AOX1: variants seen among roughly 807,000 people sequenced by gnomAD.
AOX1 encodes aldehyde oxidase.
AOX1 carries 153 observed loss-of-function variants against 169.5 expected under a neutral mutation model. The observed-to-expected ratio is 0.90, with a 90% CI of 0.79 to 1.03. AOX1 has a LOEUF of 1.03. Among genes scored for constraint, AOX1 ranks in the 50% least tolerant of loss-of-function variants. The pLI, the probability that AOX1 is intolerant of heterozygous loss-of-function variation, is 0.00. For missense variants in AOX1, 1,656 were observed against 1,663.9 expected (o/e 1.00, Z 0.08); for synonymous variants, 562 against 581.9 (o/e 0.97, Z 0.49).
chr2:200,675,119 A>G (rs1468389948), downstream of AOX1, among the ~76,000 whole-genome samples: 3 of 152,194 alleles, frequency 2.0e-5, no homozygotes, highest in Non-Finnish European at 4.4e-5. Context: ...TCGCGCAGGC[A>G]CAGCTGGAAT....
chr2:200,677,694 G>A (rs577300216), downstream of AOX1, among the ~76,000 whole-genome samples: 27 of 152,252 alleles, frequency 1.8e-4, no homozygotes, highest in Middle Eastern at 3.4e-3. Context: ...CAATTGTCTG[G>A]GCCCACTTTG....
At chr2:200,620,166 G>C (rs1422151856) in intron 16 of AOX1, among the ~76,000 whole-genome samples, 1 of 149,824 alleles carries the variant, frequency 6.7e-6, no homozygotes, top group African/African-American at 2.5e-5. Flanking sequence ...AATTACTGTA[G>C]TAGGTTTATT....
intron 16 of AOX1, among the ~76,000 whole-genome samples, chr2:200,618,656 G>C (rs973436499): frequency 6.6e-6 from 1 of 152,136 alleles, no homozygotes; most frequent in Non-Finnish European, 1.5e-5. Context: ...TCTCCAGCCA[G>C]AGGTTTTTTG....
At chr2:200,647,419 TC>T (rs1431950986) in intron 25 of AOX1, among the ~76,000 whole-genome samples, 1 of 152,220 alleles carries the variant, frequency 6.6e-6, no homozygotes, top group Non-Finnish European at 1.5e-5. Flanking sequence ...TAGGGAACAA[TC>T]CTTTCTAGCT....
intron 6 of AOX1, among the ~76,000 whole-genome samples, chr2:200,602,971 TAAC>T (rs1030743288): frequency 6.6e-5 from 10 of 152,294 alleles, no homozygotes; most frequent in African/African-American, 2.2e-4. Flanking sequence ...TTTAAAATAC[TAAC>T]AATATTAACA....
Position 200,620,637 on chromosome 2 carries a change from A to C in AOX1, c.1705-13A>C, listed in dbSNP as rs1314386349. On this transcript the variant is annotated splice_polypyrimidine_tract_variant and intron_variant, in intron 16 of 34. Coordinates refer to ENST00000374700, the MANE Select transcript of AOX1 (RefSeq NM_001159.4). The stretch of plus-strand genomic sequence containing the variant: ...AGAAATGTAAAAGTATATTTTGGTT[A>C]TTTATTAAACAGAATATAGGCCCAA... The C allele has an allele frequency of 1.3e-6, 2 of 1,496,312 alleles. No homozygotes were observed. Among genetic ancestry groups the C allele is most frequent in the Non-Finnish European group, 8.8e-7 (1 of 1,130,676 alleles). 92.7% of individuals were successfully genotyped at this position (1,496,312 alleles called of 1,614,324 possible). A position where few individuals can be genotyped will look rare whatever the true frequency, so the allele number is the denominator to read the frequency against.
At chr2:200,642,473 G>A (rs1196961266) in intron 24 of AOX1, 137 bp from the exon 25 acceptor site, 2 of 584,920 alleles carry the variant, frequency 3.4e-6, no homozygotes, top group African/African-American at 2.0e-5. Context: ...GTGTTTAATT[G>A]GGGGCATGGG....
At chr2:200,677,261 GA>G (rs562943577), downstream of AOX1, among the ~76,000 whole-genome samples, 4 of 152,116 alleles carry the variant, frequency 2.6e-5, no homozygotes, top group Non-Finnish European at 5.9e-5. Flanking sequence ...GGGAGGTGGA[GA>G]AAGAGACAGA....
In AOX1 at chr2:200,609,242, CAAAGCCTTGCTTAATCCTTATTTTA is replaced by C; in HGVS notation, c.1060-78_1060-54del. 8.2e-6 allele frequency: 13 copies of C among 1,589,990 alleles called. No homozygotes were observed. In the South Asian group the frequency reaches 1.3e-4, roughly 16 times the overall value. On this transcript the variant is annotated intron_variant, in intron 11 of 34. Transcript: ENST00000374700. ...GGAACAGACAAAAAAAATAGTTCTCCAAAGCCTTGCTTAATCCTTATTTTAGCACTTGCTTTTTTATGATTACATA... is the reference window on the plus strand; with the variant it reads ...GGAACAGACAAAAAAAATAGTTCTCCGCACTTGCTTTTTTATGATTACATA...
chr2:200,656,374 G>C (rs982305957), intron 26 of AOX1, among the ~76,000 whole-genome samples: 1 of 152,176 alleles, frequency 6.6e-6, no homozygotes, highest in African/African-American at 2.4e-5. Flanking sequence ...AATGCTGTTA[G>C]CAGTCTGGTT....
At chr2:200,642,467 T>C (rs915800351) in intron 24 of AOX1, 143 bp from the exon 25 acceptor site, 1 of 572,310 alleles carries the variant, frequency 1.7e-6, no homozygotes, top group African/African-American at 2.0e-5. Context: ...AAAAATGTGT[T>C]TAATTGGGGG....
rs144587713 is a variant in AOX1 at position 200,648,804 on chromosome 2, G to A, written c.2848-2170G>A. Among the ~76,000 whole-genome samples the A allele has an allele frequency of 2.1e-3, 320 of 152,204 alleles. 2 individuals carry two copies. The highest frequency in any genetic ancestry group is 7.4e-3 in the African/African-American group (307 of 41,528). ...TGGGTGTGAGATTCCCAGGTCACTG[G>A]AGTTGTGTACCTAGGAGGATTATGG... On this transcript the variant is annotated intron_variant, in intron 25 of 34. Transcript: ENST00000374700.
intron 5 of AOX1, among the ~76,000 whole-genome samples, chr2:200,601,252 A>G (rs2034408578): frequency 6.6e-6 from 1 of 152,172 alleles, no homozygotes; most frequent in Non-Finnish European, 1.5e-5. Context: ...TGAGGAATCT[A>G]AAGTAGTCAA....
intron 10 of AOX1, 110 bp downstream of exon 10, chr2:200,605,738 G>A (rs1392462323): frequency 2.1e-6 from 1 of 476,400 alleles, no homozygotes; most frequent in African/African-American, 2.0e-5. Flanking sequence ...TACACACAGA[G>A]ATTCTCTTCT....
intron 4 of AOX1, 67 bp from the exon 5 acceptor site, chr2:200,599,553 G>A: frequency 2.3e-6 from 3 of 1,282,528 alleles, no homozygotes; most frequent in Non-Finnish European, 3.2e-6. Context: ...CTAGAATGCA[G>A]GCTCTAATTC....
chr2:200,637,596 T>G (rs2035261462), intron 22 of AOX1, among the ~76,000 whole-genome samples: 1 of 152,118 alleles, frequency 6.6e-6, no homozygotes, highest in African/African-American at 2.4e-5. Flanking sequence ...TATATACATA[T>G]ACGTGTATGT....
rs772327917 is a variant in AOX1 at position 200,620,684 on chromosome 2, T to C, written c.1739T>C (p.Ile580Thr). Reference sequence around the variant, plus strand: ...CCAAAGCAGCATCCTGAAGACCCAATTGGCCACCCCATCATGCATCTGTCT... The same window carrying C: ...CCAAAGCAGCATCCTGAAGACCCAACTGGCCACCCCATCATGCATCTGTCT... ...IGPKQHPEDPIGHPIMHLSGV... is the reference protein window; with the variant it reads ...IGPKQHPEDPTGHPIMHLSGV... Residue 580 changes from isoleucine to threonine, a missense_variant, in exon 17 of 35, where the codon ATT (isoleucine) becomes ACT (threonine). Coordinates refer to ENST00000374700, the MANE Select transcript of AOX1 (RefSeq NM_001159.4). 3.8e-6 allele frequency: 6 copies of C among 1,566,934 alleles called. No homozygotes were observed. Among genetic ancestry groups the C allele is most frequent in the Non-Finnish European group, 5.1e-6 (6 of 1,165,406 alleles).
chr2:200,678,874 T>G (rs1176357979), downstream of AOX1, among the ~76,000 whole-genome samples: 1 of 152,212 alleles, frequency 6.6e-6, no homozygotes. Flanking sequence ...GTGAAGTTAT[T>G]GAATGACTTG....
At chr2:200,589,358 T>A (rs923665310) in intron 1 of AOX1, among the ~76,000 whole-genome samples, 4 of 152,068 alleles carry the variant, frequency 2.6e-5, no homozygotes, top group Non-Finnish European at 5.9e-5. Flanking sequence ...AGATGCCACA[T>A]AACAACCTCA....
Sources: gnomAD v4.1 joint callset for allele counts (sites outside exome capture counted in the v4.1 genomes callset) on GRCh38, gnomAD v4.1.1 for gene constraint, MANE v1.5 for transcripts, NCBI Gene and HGNC (gene_info 2026-07-23, HGNC 2026-07-21) for gene names.